DLC1: variants seen among roughly 807,000 people sequenced by gnomAD.
The protein encoded by DLC1 is rho GTPase-activating protein 7.
Under a neutral mutation model 140.3 loss-of-function variants are expected in DLC1, and 54 were observed. That is an observed-to-expected ratio of 0.38 (90% confidence interval 0.31 to 0.48). DLC1 has a LOEUF of 0.48. Ranked by LOEUF, DLC1 falls within the 20% of genes least tolerant of loss-of-function variation. The pLI is 0.96. For synonymous variants in DLC1, 986 were observed against 728.1 expected (o/e 1.35, Z -5.70); for missense variants, 2,536 against 1,907.0 (o/e 1.33, Z -6.14).
chr8:13,490,909 T>C (rs963586030), intron 2 of DLC1, among the ~76,000 whole-genome samples: 1 of 150,786 alleles, frequency 6.6e-6, no homozygotes, highest in African/African-American at 2.4e-5. Context: ...TCGTAACTAA[T>C]TTTTTTTCCC....
At chr8:13,540,216 C>T (rs1196375859) in intron 1 of DLC1, among the ~76,000 whole-genome samples, 1 of 152,104 alleles carries the variant, frequency 6.6e-6, no homozygotes, top group Non-Finnish European at 1.5e-5. Flanking sequence ...ATAGGTGGTC[C>T]ACAAACCAGC....
chr8:13,328,197 A>G (rs532378053), intron 4 of DLC1, among the ~76,000 whole-genome samples: 32 of 152,306 alleles, frequency 2.1e-4, no homozygotes, highest in African/African-American at 7.5e-4. Context: ...TGGTTTCAAA[A>G]GATCTCTGTG....
intron 1 of DLC1, among the ~76,000 whole-genome samples, chr8:13,572,281 G>A (rs1804686158): frequency 6.6e-6 from 1 of 151,886 alleles, no homozygotes; most frequent in African/African-American, 2.4e-5. Context: ...AGTAGAGACG[G>A]GGTTTCACCG....
intron 1 of DLC1, among the ~76,000 whole-genome samples, chr8:13,572,095 A>ATTTT (rs3066468): frequency 1.8e-4 from 26 of 142,960 alleles, no homozygotes; most frequent in East Asian, 4.0e-4. Context: ...ATTATTATTT[A>ATTTT]TTTTTTTTTT....
chr8:13,315,599 T>A lies in DLC1; in HGVS notation c.1315-10297A>T, dbSNP rs57157731. 9.8e-3 allele frequency among the ~76,000 whole-genome samples: 1,499 copies of A among 152,334 alleles called. 23 individuals carry two copies. The highest frequency in any genetic ancestry group is 0.034 in the African/African-American group (1,410 of 41,578). On this transcript the variant is annotated intron_variant, in intron 4 of 17. Coordinates refer to ENST00000276297, the MANE Select transcript of DLC1 (RefSeq NM_182643.3). ...GTTTGATAACATGGTAACTATTCTG[T>A]GACCTCTCTCCTTAAATCACAGGAG...
intron 2 of DLC1, among the ~76,000 whole-genome samples, chr8:13,432,927 G>A (rs1838950243): frequency 6.6e-6 from 1 of 150,832 alleles, no homozygotes; most frequent in Non-Finnish European, 1.5e-5. Context: ...CCTGCTGGAG[G>A]AGGTTCCTCT....
intron 2 of DLC1, among the ~76,000 whole-genome samples, chr8:13,479,183 A>G (rs1800570742): frequency 6.6e-6 from 1 of 152,250 alleles, no homozygotes; most frequent in African/African-American, 2.4e-5. Flanking sequence ...TGCTCAGTAC[A>G]TTTTAAGCAC....
rs11786612 is a variant in DLC1, at chr8:13,433,372, C to T, written c.1024-31753G>A. On this transcript the variant is annotated intron_variant, in intron 2 of 17. Transcript: ENST00000276297. ...TAGGGTTTGGGGACTGTCACATTTC[C>T]ACAGTGGAAACTTCTATTAAGGTAG... Among the ~76,000 whole-genome samples, 124 of 152,200 alleles carry T rather than the reference C, an allele frequency of 8.1e-4. 1 individual carries two copies. Among genetic ancestry groups the T allele is most frequent in the Admixed American group, 3.0e-3 (46 of 15,282 alleles).
intron 1 of DLC1, among the ~76,000 whole-genome samples, chr8:13,511,491 C>G (rs910198010): frequency 6.6e-6 from 1 of 152,136 alleles, no homozygotes; most frequent in African/African-American, 2.4e-5. Context: ...TTTATCAAAA[C>G]TCTGTAAACT....
intron 5 of DLC1, among the ~76,000 whole-genome samples, chr8:13,240,049 A>G (rs955654830): frequency 6.6e-6 from 1 of 152,182 alleles, no homozygotes; most frequent in Admixed American, 6.5e-5. Flanking sequence ...AATGCACAGT[A>G]GACACGTGGG....
intron 10 of DLC1, chr8:13,095,683 T>C (rs985436261): frequency 5.9e-6 from 1 of 169,256 alleles, no homozygotes; most frequent in African/African-American, 2.4e-5. Flanking sequence ...CAACATGTAA[T>C]ACCCTAATTA....
At chr8:13,137,535 C>A (rs1822660900) in intron 5 of DLC1, among the ~76,000 whole-genome samples, 1 of 151,234 alleles carries the variant, frequency 6.6e-6, no homozygotes, top group South Asian at 2.1e-4. Flanking sequence ...GGCAACAAGA[C>A]CTGTGCTGTT....
chr8:13,528,072 A>C (rs1388988620), intron 1 of DLC1, among the ~76,000 whole-genome samples: 11 of 152,150 alleles, frequency 7.2e-5, no homozygotes, highest in Admixed American at 7.2e-4. Context: ...TTGTTAGATA[A>C]ATAATGATTT....
intron 1 of DLC1, among the ~76,000 whole-genome samples, chr8:13,539,562 G>A (rs562156679): frequency 6.6e-6 from 1 of 152,264 alleles, no homozygotes; most frequent in African/African-American, 2.4e-5. Context: ...TTAAGAACAG[G>A]AGGCGCAGTG....
intron 2 of DLC1, among the ~76,000 whole-genome samples, chr8:13,457,575 G>A (rs1191674309): frequency 6.6e-6 from 1 of 150,694 alleles, no homozygotes; most frequent in African/African-American, 2.4e-5. Flanking sequence ...TACTCGGGAG[G>A]CTGAGGCAGG....
chr8:13,558,156 G>C (rs1804117710), intron 1 of DLC1: 1 of 152,220 alleles, frequency 6.6e-6, no homozygotes, highest in South Asian at 2.1e-4. Context: ...TGGGCTTGTG[G>C]AAGATTTAAT....
At chr8:13,304,726 C>A in intron 5 of DLC1, 1 of 959,960 alleles carries the variant, frequency 1.0e-6, no homozygotes, top group Non-Finnish European at 1.2e-6. Flanking sequence ...TTCATATTTT[C>A]ATTTCTCATC....
intron 5 of DLC1, among the ~76,000 whole-genome samples, chr8:13,187,166 G>A (rs571513286): frequency 2.6e-5 from 4 of 151,554 alleles, no homozygotes; most frequent in Admixed American, 1.3e-4. Context: ...TTTTTCCATA[G>A]CACTTATTAC....
chr8:13,184,841 C>T (rs938631120), intron 5 of DLC1, among the ~76,000 whole-genome samples: 1 of 152,118 alleles, frequency 6.6e-6, no homozygotes, highest in Non-Finnish European at 1.5e-5. Context: ...GAGTTCAAGT[C>T]CTGGATATCC....
Sources: gnomAD v4.1 joint callset for allele counts (sites outside exome capture counted in the v4.1 genomes callset) on GRCh38, gnomAD v4.1.1 for gene constraint, MANE v1.5 for transcripts, NCBI Gene and HGNC (gene_info 2026-07-23, HGNC 2026-07-21) for gene names.